SYNE1: variants seen among roughly 807,000 people sequenced by gnomAD.
SYNE1 encodes nesprin-1.
Under a neutral mutation model 1,111.0 loss-of-function variants are expected in SYNE1, and 616 were observed. That is an observed-to-expected ratio of 0.55 (90% CI 0.52 to 0.59). SYNE1 has a LOEUF of 0.59. SYNE1 is among the 20% of genes least tolerant of loss of function. SYNE1 has a pLI of 0.00. For synonymous variants in SYNE1, 3,855 were observed against 3,825.8 expected (o/e 1.01, Z -0.28); for missense variants, 10,006 against 10,417.0 (o/e 0.96, Z 1.72).
rs1020011284 is a variant in SYNE1 at position 152,530,456 on chromosome 6, C to A, written c.130-4281G>T. Among the ~76,000 whole-genome samples, 11 of 145,018 alleles carry A rather than the reference C, an allele frequency of 7.6e-5. No homozygotes were observed. In the East Asian group the frequency reaches 2.4e-3, roughly 31 times the overall value. On this transcript the variant is annotated intron_variant, in intron 4 of 145. Transcript: ENST00000367255. ...ACAGAAGTGCATATCTTCAGAAGAA[C>A]CTAATTGTATGGTTTTTTTTTTTTT...
intron 11 of SYNE1, among the ~76,000 whole-genome samples, chr6:152,490,053 A>G (rs2098962104): frequency 6.6e-6 from 1 of 152,240 alleles, no homozygotes; most frequent in African/African-American, 2.4e-5. Flanking sequence ...GATTCAATCA[A>G]TAGCAGATTG....
chr6:152,213,670 A>C lies in SYNE1; in HGVS notation c.22436T>G (p.Leu7479Ter). 2 of 1,614,126 alleles carry C rather than the reference A, an allele frequency of 1.2e-6. No homozygotes were observed. The highest frequency in any genetic ancestry group is 2.2e-5 in the South Asian group (2 of 91,080). ...ATAATTTCCTGAAATCTCTACTGCT[A>C]ACTTTTGTTCTGTCTGAACTAGGAA... ...MEFLVQTEQK[L>*]AVEISGNYQH... The change falls in exon 123 of 146, where the codon TTA becomes TGA. Residue 7479 changes from leucine to a stop codon, truncating the protein, a stop_gained. Coordinates refer to ENST00000367255, the MANE Select transcript of SYNE1 (RefSeq NM_182961.4). LOFTEE classifies it high-confidence loss of function.
chr6:152,234,298 C>G (rs9383979), intron 111 of SYNE1, among the ~76,000 whole-genome samples: 85,048 of 151,284 alleles, frequency 0.56, 24,535 homozygotes, highest in East Asian at 0.85. Context: ...CTTTTCTTTT[C>G]TTTTTTTCTT....
chr6:152,488,235 C>T (rs1047253433), intron 12 of SYNE1, among the ~76,000 whole-genome samples, 161 bp downstream of exon 12: 8 of 152,082 alleles, frequency 5.3e-5, no homozygotes, highest in Admixed American at 1.3e-4. Flanking sequence ...GTTAGAAATA[C>T]AATTATTAAA....
At chr6:152,379,738 A>C (rs1216972404) in intron 56 of SYNE1, among the ~76,000 whole-genome samples, 2 of 152,224 alleles carry the variant, frequency 1.3e-5, no homozygotes. Flanking sequence ...TGAACTATTT[A>C]ACACAACTGA....
chr6:152,198,623 C>T (rs1027726242), intron 127 of SYNE1, among the ~76,000 whole-genome samples: 3 of 152,090 alleles, frequency 2.0e-5, no homozygotes, highest in Non-Finnish European at 1.5e-5. Flanking sequence ...CAATTGAACA[C>T]TCAGAGGCCA....
At chr6:152,315,641 A>G (rs2095696439) in intron 87 of SYNE1, 1 of 152,204 alleles carries the variant, frequency 6.6e-6, no homozygotes, top group Non-Finnish European at 1.5e-5. Flanking sequence ...GTGACAGTTA[A>G]GTTTGTCTTT....
chr6:152,563,593 T>G (rs73633252), intron 3 of SYNE1, among the ~76,000 whole-genome samples: 25,436 of 152,142 alleles, frequency 0.17, 2,318 homozygotes, highest in Admixed American at 0.24. Flanking sequence ...TTGACATGAT[T>G]TTTATGTCAT....
intron 3 of SYNE1, among the ~76,000 whole-genome samples, chr6:152,574,362 G>T (rs892217305): frequency 6.6e-6 from 1 of 151,944 alleles, no homozygotes; most frequent in Non-Finnish European, 1.5e-5. Context: ...CTGCACCTCT[G>T]CAAAGGCATC....
intron 3 of SYNE1, among the ~76,000 whole-genome samples, chr6:152,567,444 G>A (rs1038883019): frequency 5.9e-5 from 9 of 151,984 alleles, no homozygotes; most frequent in Admixed American, 1.3e-4. Context: ...AGTAAAGATC[G>A]TAATTAGCCT....
intron 98 of SYNE1, among the ~76,000 whole-genome samples, chr6:152,276,879 T>C (rs868535657): frequency 0.016 from 1,881 of 121,182 alleles, 10 homozygotes; most frequent in Middle Eastern, 0.024. Flanking sequence ...CTCTGCACTC[T>C]TTTTTTTTTT....
At chr6:152,616,296 G>A (rs1282028577) in intron 3 of SYNE1, among the ~76,000 whole-genome samples, 3 of 152,098 alleles carry the variant, frequency 2.0e-5, no homozygotes, top group South Asian at 2.1e-4. Context: ...GTGTTGGGCC[G>A]GGCACGGTCA....
chr6:152,602,786 AG>A (rs1210796467), intron 3 of SYNE1, among the ~76,000 whole-genome samples: 5 of 152,130 alleles, frequency 3.3e-5, no homozygotes, highest in Non-Finnish European at 7.4e-5. Flanking sequence ...CATAGAAAGA[AG>A]GAAAAAAGAA....
At chr6:152,216,054 T>C (rs2078563628) in intron 121 of SYNE1, among the ~76,000 whole-genome samples, 1 of 152,198 alleles carries the variant, frequency 6.6e-6, no homozygotes, top group Non-Finnish European at 1.5e-5. Flanking sequence ...TGGGTATCCT[T>C]ATCTCCATCT....
intron 131 of SYNE1, among the ~76,000 whole-genome samples, chr6:152,161,995 TC>T (rs1430162150): frequency 6.6e-6 from 1 of 152,198 alleles, no homozygotes; most frequent in Admixed American, 6.5e-5. Context: ...GACTCTAGCC[TC>T]CACGGTGTCC....
chr6:152,622,252 AATAAAGT>A (rs1332983051), intron 3 of SYNE1, among the ~76,000 whole-genome samples: 1 of 152,170 alleles, frequency 6.6e-6, no homozygotes. Flanking sequence ...AAGTTAGAGT[AATAAAGT>A]ATAAAGTTTT....
Position 152,463,469 on chromosome 6 carries a change from TCATGGCAGTATG to T in SYNE1, c.1969_1980del (p.His657_Met660del). The T allele has an allele frequency of 6.2e-7, 1 of 1,613,712 alleles. No homozygotes were observed. The highest frequency in any genetic ancestry group is 8.5e-7 in the Non-Finnish European group (1 of 1,179,744). ...TCAATTAGAAAATTGCCAGCATCGT[TCATGGCAGTATG>T]CTGCTGAATCCAATGAGGTAAATTT... is the stretch of plus-strand genomic sequence containing the variant. On this transcript the variant is annotated inframe_deletion, in exon 19 of 146. Transcript: ENST00000367255.
chr6:152,289,403 G>C (rs980999410), intron 95 of SYNE1, among the ~76,000 whole-genome samples: 2 of 150,734 alleles, frequency 1.3e-5, no homozygotes, highest in Non-Finnish European at 2.9e-5. Flanking sequence ...ACAAGTTTTT[G>C]TTTGTTTGTT....
At chr6:152,474,147 T>C (rs1174830916) in intron 14 of SYNE1, among the ~76,000 whole-genome samples, 2 of 151,256 alleles carry the variant, frequency 1.3e-5, no homozygotes, top group Admixed American at 6.6e-5. Flanking sequence ...ATCACACCAT[T>C]GCACTCCAGC....
Sources: gnomAD v4.1 joint callset for allele counts (sites outside exome capture counted in the v4.1 genomes callset) on GRCh38, gnomAD v4.1.1 for gene constraint, MANE v1.5 for transcripts, NCBI Gene and HGNC (gene_info 2026-07-23, HGNC 2026-07-21) for gene names.